Variants in TSFM observed in about 807,000 individuals in gnomAD.
The protein encoded by TSFM is elongation factor Ts, mitochondrial.
TSFM carries 29 observed loss-of-function variants against 33.4 expected under a neutral mutation model. The observed-to-expected ratio is 0.87, with a 90% CI of 0.65 to 1.18. TSFM has a LOEUF of 1.18. TSFM is among the 50% of genes most tolerant of loss of function. The pLI, the probability that TSFM is intolerant of heterozygous loss-of-function variation, is 0.00. For missense variants in TSFM, 394 were observed against 395.6 expected, an observed-to-expected ratio of 1.00 and a Z score of 0.04; for synonymous variants, 178 against 163.5, an observed-to-expected ratio of 1.09 and a Z score of -0.68.
chr12:57,792,502 T>A (rs777637467), intron 4 of TSFM, among the ~76,000 whole-genome samples: 1 of 152,238 alleles, frequency 6.6e-6, no homozygotes, highest in Non-Finnish European at 1.5e-5. Context: ...GAATAAAATG[T>A]TTATAAAGAT....
At position 57,787,053 on chromosome 12, in the gene TSFM, C is replaced by T. The variant is rs757826091; in HGVS notation, c.374C>T (p.Thr125Ile). 1.2e-6 allele frequency: 2 copies of T among 1,613,280 alleles called. No individual in the cohort carries two copies. Among genetic ancestry groups the T allele is most frequent in the South Asian group, 2.2e-5 (2 of 91,024 alleles). The change falls in exon 4 of 6, where the codon ACA becomes ATA. Residue 125 changes from threonine to isoleucine, a missense_variant. Thr to Ile is a moderately conservative substitution (Grantham distance 89). Around this residue, in one of 3 missense-constraint regions of TSFM, gnomAD observed 208 missense variants for 180.4 expected, o/e 1.15. Transcript: ENST00000652027. Reference sequence around the variant, plus strand: ...TTGTTCCCACAGGTAAACTGTGAGACAGATTTTGTTTCTAGAAATTTAAAA... The same window carrying T: ...TTGTTCCCACAGGTAAACTGTGAGATAGATTTTGTTTCTAGAAATTTAAAA... The part of the protein sequence containing the change: ...TTVLVEVNCE[T>I]DFVSRNLKFQ...
At chr12:57,802,709 T>C (rs1045802084), downstream of TSFM, 1 of 610,174 alleles carries the variant, frequency 1.6e-6, no homozygotes, top group Non-Finnish European at 2.9e-6. Flanking sequence ...TCTCCACTTT[T>C]GATAGGTGGT....
rs764269775 is a variant in TSFM at position 57,783,252 on chromosome 12, C to T, written c.200C>T (p.Ala67Val). The T allele has an allele frequency of 6.2e-7, 1 of 1,613,926 alleles. No individual in the cohort carries two copies. The highest frequency in any genetic ancestry group is 8.5e-7 in the Non-Finnish European group (1 of 1,179,906). Residue 67 changes from alanine (A) to valine (V), a missense_variant, in exon 2 of 6, where the codon GCT becomes GTT. Transcript: ENST00000652027. ...TACTCCTTTGTAAATTGCAAGAAAG[C>T]TCTGGAGACTTGTGGCGGGGACCTC... ...TGYSFVNCKK[A>V]LETCGGDLKQ...
rs1437972226 is a variant in TSFM, at chr12:57,797,485, A to G, written c.*902A>G. ...AGTGCATATATGATTTCAATGATTT[A>G]CAGGCTAAATAGATTTTAGAAATAA... On this transcript the variant is annotated 3_prime_UTR_variant, in exon 6 of 6. Transcript: ENST00000652027. 12 of 981,006 alleles carry G rather than the reference A, an allele frequency of 1.2e-5. No individual in the cohort carries two copies. The South Asian group carries it at 2.4e-4, about 19-fold the overall frequency. The allele number at this position is 981,006 out of a possible 1,614,324, so 60.8% of individuals were successfully genotyped here.
chr12:57,802,733 C>T (rs1402877643), downstream of TSFM: 2 of 597,200 alleles, frequency 3.3e-6, no homozygotes, highest in Non-Finnish European at 6.0e-6. Flanking sequence ...TATCTAGTCA[C>T]CTAAGGCAGA....
downstream of TSFM, chr12:57,802,441 C>T (rs1053528636): frequency 4.0e-5 from 57 of 1,425,042 alleles, no homozygotes; most frequent in East Asian, 4.2e-4. Flanking sequence ...CCCTTTCTTT[C>T]GTGAGCAATT....
chr12:57,789,362 A>G (rs1346806649), intron 4 of TSFM, among the ~76,000 whole-genome samples: 2 of 152,192 alleles, frequency 1.3e-5, no homozygotes, highest in African/African-American at 2.4e-5. Flanking sequence ...GGACATTGTT[A>G]TATAACCACA....
chr12:57,787,473 T>G (rs1170003598), intron 4 of TSFM, among the ~76,000 whole-genome samples: 1 of 152,206 alleles, frequency 6.6e-6, no homozygotes, highest in Non-Finnish European at 1.5e-5. Flanking sequence ...TGAAAGAGAA[T>G]TGGGCCCACT....
Position 57,796,837 on chromosome 12 carries a change from C to A in TSFM, c.*254C>A. The A allele has an allele frequency of 8.8e-7, 1 of 1,135,706 alleles. No individual in the cohort carries two copies. The highest frequency in any genetic ancestry group is 1.1e-6 in the Non-Finnish European group (1 of 928,968). The allele number at this position is 1,135,706 out of a possible 1,614,324, so 70.4% of individuals were successfully genotyped here. A position where few individuals can be genotyped will look rare whatever the true frequency, so the allele number is the denominator to read the frequency against. ...CAGGCATCAACAATACTGCTGCTCCCTTCAACATAGATTTATTATGGTATT... is the reference window on the plus strand; with the variant it reads ...CAGGCATCAACAATACTGCTGCTCCATTCAACATAGATTTATTATGGTATT... On this transcript the variant is annotated 3_prime_UTR_variant, in exon 6 of 6. Transcript: ENST00000652027.
At position 57,787,132 on chromosome 12, in the gene TSFM, C is replaced by T. The variant is rs1412393355; in HGVS notation, c.453C>T (p.Thr151=). The change falls in exon 4 of 6, where the codon ACC becomes ACT. Residue 151 remains threonine, a synonymous_variant. Coordinates refer to ENST00000652027, the MANE Select transcript of TSFM (RefSeq NM_005726.6). ...TTGGAACCATGATGCATTGTCAGACCCTAAAGGATCAACCCTCTGCATACA... is the reference window on the plus strand; with the variant it reads ...TTGGAACCATGATGCATTGTCAGACTCTAAAGGATCAACCCTCTGCATACA... ...VALGTMMHCQ[T]LKDQPSAYSK... The T allele has an allele frequency of 1.0e-5, 16 of 1,596,480 alleles. No individual in the cohort carries two copies. Among genetic ancestry groups the T allele is most frequent in the African/African-American group, 1.3e-5 (1 of 74,558 alleles).
intron 5 of TSFM, among the ~76,000 whole-genome samples, chr12:57,793,468 C>T (rs568967720): frequency 4.5e-4 from 69 of 152,222 alleles, no homozygotes; most frequent in African/African-American, 1.5e-3. Flanking sequence ...GTGATCCGCC[C>T]GCCTCGGCCT....
At chr12:57,786,966 A>G in intron 3 of TSFM, 74 bp from the exon 4 acceptor site, 2 of 1,500,288 alleles carry the variant, frequency 1.3e-6, no homozygotes, top group Non-Finnish European at 1.8e-6. Flanking sequence ...ATCTTGATTT[A>G]TTCTCCAGCC....
downstream of TSFM, chr12:57,802,252 C>G (rs756640098): frequency 2.5e-6 from 4 of 1,614,188 alleles, no homozygotes; most frequent in East Asian, 8.9e-5. Flanking sequence ...GTGTCGGGAT[C>G]TCGGCCGCTG....
rs752963960 is a variant in TSFM, at chr12:57,796,260, G to A, written c.655G>A (p.Gly219Arg). 67 of 1,613,130 alleles carry A rather than the reference G, an allele frequency of 4.2e-5. No homozygotes were observed. The highest frequency in any genetic ancestry group is 5.6e-5 in the Non-Finnish European group (66 of 1,179,506). Residue 219 changes from glycine to arginine, a missense_variant, in exon 6 of 6, where the codon GGA becomes AGA. By Grantham distance (125) the Gly-to-Arg change is moderately radical (BLOSUM62 -2). Transcript: ENST00000652027. ...SGFYVGSYVHGAMQSPSLHKL... is the reference protein window; with the variant it reads ...SGFYVGSYVHRAMQSPSLHKL... ...GTTCTACGTTGGCTCTTATGTCCACGGAGCAATGCAGAGTCCCTCACTTCA... is the reference window on the plus strand; with the variant it reads ...GTTCTACGTTGGCTCTTATGTCCACAGAGCAATGCAGAGTCCCTCACTTCA...
chr12:57,785,765 T>A (rs1955582758), intron 2 of TSFM, among the ~76,000 whole-genome samples: 1 of 152,234 alleles, frequency 6.6e-6, no homozygotes, highest in Non-Finnish European at 1.5e-5. Context: ...TACACTAGCA[T>A]TGCCACAAAC....
rs761580398 is a variant in TSFM, at chr12:57,796,220, G to T, written c.615G>T (p.Val205=). ...ENMILKRAAW[V]KVPSGFYVGS... ...TGATTCTTAAACGAGCTGCATGGGT[G>T]AAGGTGCCATCTGGGTTCTACGTTG... The change falls in exon 6 of 6, where the codon GTG becomes GTT. Residue 205 remains valine (V), a synonymous_variant. Transcript: ENST00000652027. 6.2e-6 allele frequency: 10 copies of T among 1,606,108 alleles called. No individual in the cohort carries two copies. The highest frequency in any genetic ancestry group is 6.8e-6 in the Non-Finnish European group (8 of 1,175,018).
chr12:57,802,143 C>G (rs1272842558), downstream of TSFM: 1 of 1,613,014 alleles, frequency 6.2e-7, no homozygotes, highest in Admixed American at 1.7e-5. Flanking sequence ...TAGAGCTTCC[C>G]TACTCTCTTT....
chr12:57,788,437 C>T (rs954436888), intron 4 of TSFM, among the ~76,000 whole-genome samples: 1 of 151,846 alleles, frequency 6.6e-6, no homozygotes, highest in East Asian at 1.9e-4. Flanking sequence ...CCACCACACA[C>T]GCCTAGTATT....
chr12:57,782,899 A>G (rs1451492957), intron 1 of TSFM, 41 bp downstream of exon 1: 2 of 1,562,062 alleles, frequency 1.3e-6, no homozygotes, highest in Non-Finnish European at 1.7e-6. Context: ...CTGTCCCTGC[A>G]GCTCTCCTGT....
Sources: gnomAD v4.1 joint callset for allele counts (sites outside exome capture counted in the v4.1 genomes callset) on GRCh38, gnomAD v4.1.1 for gene constraint, gnomAD v4.1.1 regional missense constraint, MANE v1.5 for transcripts, NCBI Gene and HGNC (gene_info 2026-07-23, HGNC 2026-07-21) for gene names.